Variants in DDB1 observed in about 807,000 individuals in gnomAD.
DDB1 encodes DNA damage-binding protein 1.
In DDB1, 18 loss-of-function variants were observed where a neutral mutation model predicts 133.1. The ratio of observed to expected loss-of-function variants is 0.14; its 90% CI spans 0.09 to 0.20. The LOEUF is 0.20. Among genes scored for constraint, DDB1 ranks in the 10% least tolerant of loss-of-function variants. The probability of loss-of-function intolerance (pLI) is 1.00; values close to 1 mark genes in which losing one functional copy is unlikely to be tolerated. For missense variants in DDB1, 828 were observed against 1,459.2 expected, an observed-to-expected ratio of 0.57 and a Z score of 7.05; for synonymous variants, 580 against 550.5, an observed-to-expected ratio of 1.05 and a Z score of -0.75.
At chr11:61,309,317 T>C (rs1198937517) in intron 20 of DDB1, among the ~76,000 whole-genome samples, 1 of 152,072 alleles carries the variant, frequency 6.6e-6, no homozygotes, top group Non-Finnish European at 1.5e-5. Flanking sequence ...ACTCTAGATC[T>C]CTCTCTCAAG....
At position 61,314,504 on chromosome 11, in the gene DDB1, G is replaced by A. The variant is rs1390614239; in HGVS notation, c.1411-18C>T. On this transcript the variant is annotated intron_variant, in intron 12 of 26. Coordinates refer to ENST00000301764, the MANE Select transcript of DDB1 (RefSeq NM_001923.5). The stretch of plus-strand genomic sequence containing the variant: ...GAAGTGATCTAGATAAACAGCAGAT[G>A]AACAAATGTCTCCAAGCATCTGCCA... 2.0e-5 allele frequency: 32 copies of A among 1,597,590 alleles called. No homozygotes were observed. The highest frequency in any genetic ancestry group is 2.7e-5 in the Non-Finnish European group (32 of 1,171,990).
At chr11:61,314,576 C>T in intron 12 of DDB1, 90 bp from the exon 13 acceptor site, 3 of 1,292,894 alleles carry the variant, frequency 2.3e-6, no homozygotes, top group Non-Finnish European at 3.2e-6. Flanking sequence ...CCTAATAGAG[C>T]CCTACGAATA....
At chr11:61,319,652 G>C (rs1295515874) in intron 10 of DDB1, among the ~76,000 whole-genome samples, 1 of 152,088 alleles carries the variant, frequency 6.6e-6, no homozygotes, top group Non-Finnish European at 1.5e-5. Flanking sequence ...GGATGATCTC[G>C]ATCTCCTGAC....
chr11:61,316,919 CAA>C (rs58795761), intron 10 of DDB1, among the ~76,000 whole-genome samples: 1,766 of 21,612 alleles, frequency 0.082, 232 homozygotes, highest in African/African-American at 0.23. Flanking sequence ...GATCCTGTCT[CAA>C]AAAAAAAAAA....
chr11:61,308,822 T>A (rs759512111), intron 21 of DDB1, among the ~76,000 whole-genome samples, 161 bp downstream of exon 21: 14 of 152,172 alleles, frequency 9.2e-5, no homozygotes, highest in Non-Finnish European at 1.5e-4. Flanking sequence ...TGGTTCAACC[T>A]CAGTTTCCGA....
rs1856082241 is a variant in DDB1, at chr11:61,316,942, GATAGATATATATATATAT to G, written c.1226-393_1226-376del. ...CTCAAAAAAAAAAAAAAAAAAAAAG[GATAGATATATATATATAT>G]ATATATATATATATATATATATATA... On this transcript the variant is annotated intron_variant, in intron 10 of 26. Transcript: ENST00000301764. Among the ~76,000 whole-genome samples the G allele has an allele frequency of 2.6e-3, 71 of 27,064 alleles. 8 individuals carry two copies. The highest frequency in any genetic ancestry group is 6.2e-3 in the Admixed American group (10 of 1,602). 17.8% of individuals were successfully genotyped at this position (27,064 alleles called of 152,430 possible).
Position 61,299,776 on chromosome 11 carries a change from TACACATACACACACACACATACACAC to T in DDB1, c.*334_*359del, listed in dbSNP as rs1855761279. The T allele has an allele frequency of 3.1e-6, 1 of 327,004 alleles. No homozygotes were observed. The allele number at this position is 327,004 out of a possible 1,614,324, so 20.3% of individuals were successfully genotyped here. A position where few individuals can be genotyped will look rare whatever the true frequency, so the allele number is the denominator to read the frequency against. On this transcript the variant is annotated 3_prime_UTR_variant, in exon 27 of 27. Coordinates refer to ENST00000301764, the MANE Select transcript of DDB1 (RefSeq NM_001923.5). ...AAGAGGACAATGCATGAGTGTGAGA[TACACATACACACACACACATACACAC>T]ACACACACGCACAGCTTCCTTTCAG...
In DDB1 at chr11:61,302,821, T is replaced by C; in HGVS notation, c.2943-70A>G. On this transcript the variant is annotated intron_variant, in intron 23 of 26. Coordinates refer to ENST00000301764, the MANE Select transcript of DDB1 (RefSeq NM_001923.5). The stretch of plus-strand genomic sequence containing the variant: ...CCACAGGCCCTGAGACAGGACCACG[T>C]GCAGTGGTCACGGTGCTCAATTTCC... 2.5e-6 allele frequency: 4 copies of C among 1,575,088 alleles called. No individual in the cohort carries two copies. In the East Asian group the frequency reaches 9.0e-5, roughly 35 times the overall value.
intron 21 of DDB1, among the ~76,000 whole-genome samples, chr11:61,306,859 G>A (rs1474727468): frequency 1.3e-5 from 2 of 152,140 alleles, no homozygotes; most frequent in African/African-American, 4.8e-5. Flanking sequence ...CATTCAAGAC[G>A]ACTAACTGAA....
intron 6 of DDB1, among the ~76,000 whole-genome samples, chr11:61,324,846 A>G (rs1301349416): frequency 6.6e-6 from 1 of 152,196 alleles, no homozygotes; most frequent in Non-Finnish European, 1.5e-5. Flanking sequence ...CATTACATGC[A>G]ATAGAAATTG....
intron 10 of DDB1, among the ~76,000 whole-genome samples, chr11:61,316,976 T>TATATATATATATATAC (rs1856092905): frequency 8.8e-5 from 5 of 56,616 alleles, no homozygotes; most frequent in Non-Finnish European, 1.9e-4. Flanking sequence ...TATATATATA[T>TATATATATATATATAC]ATATATATAT....
At chr11:61,301,690 G>A (rs1364483695) in intron 25 of DDB1, 1 of 152,378 alleles carries the variant, frequency 6.6e-6, no homozygotes, top group Non-Finnish European at 1.5e-5. Flanking sequence ...CAATAAACCA[G>A]CCCATCAGCC....
chr11:61,310,061 C>CAG lies in DDB1; in HGVS notation c.2402-102_2402-101insCT, dbSNP rs943454586. The stretch of plus-strand genomic sequence containing the variant: ...GCCTGTGGCTTAGGCAGTGACAAAG[C>CAG]GTGTACCACCTGCTGTCCCTGTCTC... On this transcript the variant is annotated intron_variant, in intron 19 of 26. Coordinates refer to ENST00000301764, the MANE Select transcript of DDB1 (RefSeq NM_001923.5). 170 of 1,487,140 alleles carry CAG rather than the reference C, an allele frequency of 1.1e-4. No homozygotes were observed. In the African/African-American group the frequency reaches 2.0e-3, roughly 18 times the overall value. 92.1% of individuals were successfully genotyped at this position (1,487,140 alleles called of 1,614,324 possible). A position where few individuals can be genotyped will look rare whatever the true frequency, so the allele number is the denominator to read the frequency against.
chr11:61,323,526 C>A, intron 7 of DDB1: 1 of 237,896 alleles, frequency 4.2e-6, no homozygotes. Context: ...GATCCTCCCA[C>A]CTCAGCCTCC....
intron 16 of DDB1, among the ~76,000 whole-genome samples, chr11:61,313,019 G>A (rs923459687): frequency 6.6e-6 from 1 of 152,102 alleles, no homozygotes; most frequent in African/African-American, 2.4e-5. Context: ...CACCATGTTG[G>A]CCAGGCTGGT....
Position 61,314,330 on chromosome 11 carries a change from G to A in DDB1, c.1567C>T (p.Pro523Ser), listed in dbSNP as rs1204551858. ...CACCTGATCTGCCGGAGCTCCTGAGGATGGATCTGCAGATAGTAGAGGGCC... is the reference window on the plus strand; with the variant it reads ...CACCTGATCTGCCGGAGCTCCTGAGAATGGATCTGCAGATAGTAGAGGGCC... ...GRALYYLQIH[P>S]QELRQISHTE... Residue 523 changes from proline (P) to serine (S), a missense_variant, in exon 13 of 27, where the codon CCT becomes TCT. Physicochemically the swap from Pro to Ser is moderately conservative, Grantham distance 74. Coordinates refer to ENST00000301764, the MANE Select transcript of DDB1 (RefSeq NM_001923.5). 1 of 1,613,104 alleles carries A rather than the reference G, an allele frequency of 6.2e-7. No homozygotes were observed. The highest frequency in any genetic ancestry group is 2.2e-5 in the East Asian group (1 of 44,882).
At chr11:61,316,150 G>A in intron 12 of DDB1, 135 bp downstream of exon 12, 1 of 750,022 alleles carries the variant, frequency 1.3e-6, no homozygotes. Context: ...TGGATTATCT[G>A]TAATTTTTTC....
chr11:61,325,479 A>G, intron 6 of DDB1, 132 bp downstream of exon 6: 1 of 717,696 alleles, frequency 1.4e-6, no homozygotes, highest in Non-Finnish European at 2.3e-6. Context: ...GGCCAACGCA[A>G]TACCTTATAT....
intron 12 of DDB1, 102 bp from the exon 13 acceptor site, chr11:61,314,588 G>A: frequency 1.8e-6 from 2 of 1,125,326 alleles, no homozygotes; most frequent in Middle Eastern, 3.1e-4. Flanking sequence ...CTACGAATAA[G>A]CTACATGAGG....
Sources: gnomAD v4.1 joint callset for allele counts (sites outside exome capture counted in the v4.1 genomes callset) on GRCh38, gnomAD v4.1.1 for gene constraint, MANE v1.5 for transcripts, NCBI Gene and HGNC (gene_info 2026-07-23, HGNC 2026-07-21) for gene names.